Variants in MSH3 observed in about 807,000 individuals in gnomAD.
MSH3 encodes the protein mutS homolog 3, also known as DNA mismatch repair protein Msh3.
A neutral mutation model predicts 123.3 loss-of-function variants in MSH3; 106 were observed. That is an observed-to-expected ratio of 0.86 (90% confidence interval 0.73 to 1.01). The LOEUF (loss-of-function observed/expected upper bound fraction) is 1.01. MSH3 is among the 50% of genes least tolerant of loss of function. The pLI is 0.00. For synonymous variants in MSH3, 515 were observed against 481.4 expected (o/e 1.07, Z -0.91); for missense variants, 1,459 against 1,347.6 (o/e 1.08, Z -1.29).
intron 7 of MSH3, among the ~76,000 whole-genome samples, chr5:80,676,520 A>G (rs1276316061): frequency 6.6e-6 from 1 of 152,132 alleles, no homozygotes; most frequent in Admixed American, 6.5e-5. Flanking sequence ...GCTTTTTCTA[A>G]TTTCTACGGT....
At chr5:80,771,193 C>G (rs756732761) in intron 15 of MSH3, among the ~76,000 whole-genome samples, 2 of 152,116 alleles carry the variant, frequency 1.3e-5, no homozygotes, top group Non-Finnish European at 2.9e-5. Context: ...TAATCAAATT[C>G]TGTTTTAAAA....
rs1580066605 is a variant in MSH3 at position 80,813,731 on chromosome 5, AT to A, written c.2807del (p.Phe936SerfsTer21). On this transcript the variant is annotated frameshift_variant, in exon 20 of 24. Transcript: ENST00000265081. LOFTEE classifies it high-confidence loss of function. The part of the protein sequence containing the change: ...EEATIGIVDG[I>X]FTRMGAADNI... ...AGCGACAATTGGGATTGTGGATGGCATTTTCACAAGGTAAGTACGTTAATTC... is the reference window on the plus strand; with the variant it reads ...AGCGACAATTGGGATTGTGGATGGCATTTCACAAGGTAAGTACGTTAATTC... 2 of 1,614,070 alleles carry A rather than the reference AT, an allele frequency of 1.2e-6. No homozygotes were observed. The highest frequency in any genetic ancestry group is 1.7e-6 in the Non-Finnish European group (2 of 1,179,920).
chr5:80,764,899 CT>C lies in MSH3; in HGVS notation c.1897-3033del, dbSNP rs554716284. On this transcript the variant is annotated intron_variant, in intron 13 of 23. Coordinates refer to ENST00000265081, the MANE Select transcript of MSH3 (RefSeq NM_002439.5). ...TAGCTAAGCAGGAATAAGCCCACAG[CT>C]GCATGTTCAGTGTGGCACTTAAGCT... Among the ~76,000 whole-genome samples the C allele has an allele frequency of 3.4e-4, 52 of 152,276 alleles. 1 individual carries two copies. In the East Asian group the frequency reaches 9.5e-3, roughly 28 times the overall value.
intron 12 of MSH3, among the ~76,000 whole-genome samples, chr5:80,753,219 C>A (rs1298568613): frequency 3.9e-5 from 6 of 152,212 alleles, no homozygotes; most frequent in African/African-American, 1.4e-4. Context: ...TCCAGCACAT[C>A]TTGCATTAGA....
At chr5:80,699,921 T>A (rs1457607945) in intron 8 of MSH3, among the ~76,000 whole-genome samples, 4 of 152,230 alleles carry the variant, frequency 2.6e-5, no homozygotes, top group African/African-American at 9.6e-5. Flanking sequence ...TGTTGTGGTA[T>A]TCGTAGGAAA....
rs1441243662 is a variant in MSH3 at position 80,728,942 on chromosome 5, G to A, written c.1545G>A (p.Leu515=). 6.2e-7 allele frequency: 1 copy of A among 1,605,368 alleles called. No individual in the cohort carries two copies. The highest frequency in any genetic ancestry group is 8.5e-7 in the Non-Finnish European group (1 of 1,172,608). ...TAAAATACCTCAAAGAATTCAACTT[G>A]GAAAAGATGCTCTCCAAACCTGAGT... ...AIIKYLKEFN[L]EKMLSKPENF... is the part of the protein sequence containing the mutation. Residue 515 remains leucine, a synonymous_variant, in exon 10 of 24, where the codon TTG becomes TTA. Coordinates refer to ENST00000265081, the MANE Select transcript of MSH3 (RefSeq NM_002439.5).
At chr5:80,712,868 A>C (rs1339159372) in intron 8 of MSH3, among the ~76,000 whole-genome samples, 1 of 151,956 alleles carries the variant, frequency 6.6e-6, no homozygotes, top group Non-Finnish European at 1.5e-5. Flanking sequence ...CCCTACTGTG[A>C]GCACTGATAA....
At chr5:80,846,635 C>T (rs1165771980) in intron 20 of MSH3, among the ~76,000 whole-genome samples, 1 of 152,206 alleles carries the variant, frequency 6.6e-6, no homozygotes, top group Non-Finnish European at 1.5e-5. Flanking sequence ...ATGCCCCTCC[C>T]CCTGTCAAGC....
At chr5:80,840,628 G>A (rs975535453) in intron 20 of MSH3, among the ~76,000 whole-genome samples, 8 of 151,972 alleles carry the variant, frequency 5.3e-5, no homozygotes, top group African/African-American at 1.7e-4. Context: ...TAAGTTCTAG[G>A]GTACATGTGC....
chr5:80,663,931 TTAATAGGG>T (rs1300632905), intron 2 of MSH3, among the ~76,000 whole-genome samples: 1 of 152,118 alleles, frequency 6.6e-6, no homozygotes, highest in African/African-American at 2.4e-5. Flanking sequence ...TGTTTTTGCT[TTAATAGGG>T]AAGGTAAGAG....
chr5:80,655,017 T>C, intron 1 of MSH3, 53 bp downstream of exon 1: 2 of 1,134,188 alleles, frequency 1.8e-6, no homozygotes, highest in Non-Finnish European at 1.2e-6. Context: ...GGGCGGGGCT[T>C]GTGGGTAAGG....
chr5:80,851,090 A>G (rs1745823040), intron 20 of MSH3, among the ~76,000 whole-genome samples: 1 of 152,162 alleles, frequency 6.6e-6, no homozygotes. Context: ...GTTTTTCATC[A>G]TAGTACTGTT....
intron 18 of MSH3, among the ~76,000 whole-genome samples, chr5:80,788,065 T>C (rs1744544763): frequency 6.6e-6 from 1 of 152,226 alleles, no homozygotes; most frequent in Non-Finnish European, 1.5e-5. Flanking sequence ...CACTATTCTT[T>C]ATTGACCTCT....
intron 22 of MSH3, among the ~76,000 whole-genome samples, chr5:80,872,802 A>T (rs531104588): frequency 1.3e-5 from 2 of 152,220 alleles, no homozygotes; most frequent in African/African-American, 4.8e-5. Context: ...ACAAGACCCT[A>T]TCTCTAAAAA....
chr5:80,805,867 G>A (rs1217394181), intron 19 of MSH3, among the ~76,000 whole-genome samples: 9 of 152,070 alleles, frequency 5.9e-5, no homozygotes, highest in Admixed American at 1.3e-4. Context: ...GATTACAGGC[G>A]TGGGACACCG....
chr5:80,759,949 G>A (rs1291846911), intron 12 of MSH3, among the ~76,000 whole-genome samples: 1 of 152,186 alleles, frequency 6.6e-6, no homozygotes, highest in Non-Finnish European at 1.5e-5. Context: ...GAACAAAAAT[G>A]AGGCCTGAAG....
chr5:80,776,002 G>A (rs1185592792), intron 16 of MSH3, among the ~76,000 whole-genome samples: 1 of 151,536 alleles, frequency 6.6e-6, no homozygotes, highest in Non-Finnish European at 1.5e-5. Flanking sequence ...GGATTCTTGT[G>A]CCTCAGCCTC....
At position 80,654,856 on chromosome 5, in the gene MSH3, A is replaced by T. The variant is rs141080879; in HGVS notation, c.129A>T (p.Ala43=). 1.9e-6 allele frequency: 3 copies of T among 1,599,984 alleles called. No individual in the cohort carries two copies. The highest frequency in any genetic ancestry group is 1.1e-5 in the South Asian group (1 of 90,322). Residue 43 remains alanine (A), a synonymous_variant, in exon 1 of 24, where the codon GCA becomes GCT. Coordinates refer to ENST00000265081, the MANE Select transcript of MSH3 (RefSeq NM_002439.5). The stretch of plus-strand genomic sequence containing the variant: ...AATCCACCTCCTCCTCCACAGGTGC[A>T]GCCGACCAGGTGGACCCTGGCGCTG... The part of the protein sequence containing the change: ...SLKSTSSSTG[A]ADQVDPGAAA...
chr5:80,742,153 G>A (rs1743627476), intron 11 of MSH3, among the ~76,000 whole-genome samples: 1 of 152,102 alleles, frequency 6.6e-6, no homozygotes, highest in Non-Finnish European at 1.5e-5. Flanking sequence ...GGGATTACAG[G>A]CACCTGCCAC....
Sources: gnomAD v4.1 joint callset for allele counts (sites outside exome capture counted in the v4.1 genomes callset) on GRCh38, gnomAD v4.1.1 for gene constraint, MANE v1.5 for transcripts, NCBI Gene and HGNC (gene_info 2026-07-23, HGNC 2026-07-21) for gene names.